Variants in MYH7B observed in about 807,000 individuals in gnomAD.
MYH7B encodes myosin heavy chain 7B.
In MYH7B, 205 loss-of-function variants were observed where a neutral mutation model predicts 234.5. That is an observed-to-expected ratio of 0.87 (90% CI 0.78 to 0.98). The LOEUF is 0.98. Among genes scored for constraint, MYH7B ranks in the 50% least tolerant of loss-of-function variants. The pLI is 0.00. For missense variants in MYH7B, 2,652 were observed against 2,633.4 expected, an observed-to-expected ratio of 1.01 and a Z score of -0.15; for synonymous variants, 1,193 against 1,105.0, an observed-to-expected ratio of 1.08 and a Z score of -1.58.
exon 32 of MYH7B, chr20:34,997,398 G>C: frequency 6.7e-7 from 1 of 1,485,772 alleles, no homozygotes; most frequent in Non-Finnish European, 8.9e-7. Context: ...GGGGCAGCGC[G>C]AGGGCTGCCG....
rs1188249087 is a variant in MYH7B, at chr20:34,962,241, T to C, written c.-222+4029T>C. On this transcript the variant is annotated intron_variant, in intron 2 of 44. Transcript: ENST00000262873. ...GACCCTGTCTCAAAAATAATTATAA[T>C]AATGCTGCTATGAACATTCATGTAC... is the stretch of plus-strand genomic sequence containing the variant. 2.6e-5 allele frequency among the ~76,000 whole-genome samples: 4 copies of C among 152,104 alleles called. No homozygotes were observed. The East Asian group carries it at 7.7e-4, about 29-fold the overall frequency.
At chr20:34,989,679 G>A (rs1483412592) in intron 19 of MYH7B, 61 bp from the exon 20 acceptor site, 2 of 1,516,530 alleles carry the variant, frequency 1.3e-6, no homozygotes, top group Non-Finnish European at 1.8e-6. Context: ...GGAACCAGGG[G>A]TTCAGTCCTT....
intron 4 of MYH7B, 87 bp from the exon 5 acceptor site, chr20:34,977,847 G>T: frequency 6.4e-7 from 1 of 1,565,292 alleles, no homozygotes; most frequent in Non-Finnish European, 8.8e-7. Context: ...GGCTGCATTG[G>T]GAGCCAGAGG....
exon 20 of MYH7B, chr20:34,989,902 G>A (rs1186735509): frequency 6.2e-7 from 1 of 1,614,090 alleles, no homozygotes; most frequent in Non-Finnish European, 8.5e-7. Flanking sequence ...CTTCGAGGTG[G>A]TCCACTACGC....
intron 1 of MYH7B, among the ~76,000 whole-genome samples, chr20:34,957,767 G>A (rs1198779641): frequency 1.3e-5 from 2 of 152,232 alleles, no homozygotes; most frequent in African/African-American, 2.4e-5. Flanking sequence ...TAGGATTACA[G>A]GCGTTAGCCA....
At chr20:34,995,944 A>T (rs2082247925) in intron 28 of MYH7B, among the ~76,000 whole-genome samples, 1 of 152,186 alleles carries the variant, frequency 6.6e-6, no homozygotes, top group Admixed American at 6.5e-5. Flanking sequence ...AGCCCTCGTG[A>T]TGGCCCCTGT....
At position 35,002,274 on chromosome 20, in the gene MYH7B, A is replaced by G. The variant is rs547505128; in HGVS notation, c.*86A>G. The stretch of plus-strand genomic sequence containing the variant: ...CCTGCCCCGATCCTGCCATCTCTGC[A>G]TCGCCCCCTGCTGCCTTCAGCCTTC... On this transcript the variant is annotated 3_prime_UTR_variant, in exon 45 of 45. Transcript: ENST00000262873. The G allele has an allele frequency of 1.8e-5, 26 of 1,441,822 alleles. 1 individual carries two copies. The African/African-American group carries it at 3.4e-4, about 19-fold the overall frequency. The allele number at this position is 1,441,822 out of a possible 1,614,324, so 89.3% of individuals were successfully genotyped here.
chr20:35,002,083 A>C (rs1458156402), exon 44 of MYH7B: 1 of 1,613,754 alleles, frequency 6.2e-7, no homozygotes, highest in Non-Finnish European at 8.5e-7. Flanking sequence ...CCTGGGCCCC[A>C]AGGTGAGGAG....
At chr20:34,961,213 G>A (rs1321172543) in intron 2 of MYH7B, among the ~76,000 whole-genome samples, 1 of 152,094 alleles carries the variant, frequency 6.6e-6, no homozygotes, top group African/African-American at 2.4e-5. Context: ...CTTTTTGGCA[G>A]GATGGATCTG....
chr20:34,966,504 A>C (rs1187175554), intron 2 of MYH7B, among the ~76,000 whole-genome samples: 1 of 151,904 alleles, frequency 6.6e-6, no homozygotes, highest in Non-Finnish European at 1.5e-5. Flanking sequence ...TGGTTCTATA[A>C]GGGCAACACC....
At chr20:34,965,811 A>C (rs1294295809) in intron 2 of MYH7B, among the ~76,000 whole-genome samples, 1 of 152,186 alleles carries the variant, frequency 6.6e-6, no homozygotes, top group Non-Finnish European at 1.5e-5. Context: ...AGAGTCCCTG[A>C]GACAGAAAGG....
chr20:34,999,448 T>C, intron 36 of MYH7B, 43 bp downstream of exon 36: 1 of 1,515,668 alleles, frequency 6.6e-7, no homozygotes, highest in Non-Finnish European at 8.8e-7. Context: ...TGCCCTGGGG[T>C]CGGAGCAACT....
chr20:34,989,856 G>C, exon 20 of MYH7B: 1 of 1,614,204 alleles, frequency 6.2e-7, no homozygotes, highest in Non-Finnish European at 8.5e-7. Flanking sequence ...ATTTCCAGCA[G>C]CCTCGGCCTG....
At chr20:34,987,732 C>A (rs1166343761) in intron 17 of MYH7B, 33 bp from the exon 18 acceptor site, 9 of 1,613,562 alleles carry the variant, frequency 5.6e-6, no homozygotes, top group South Asian at 2.2e-5. Context: ...CCCCTCCTTG[C>A]CAGGTCCCAG....
In MYH7B at chr20:34,996,641, A is replaced by G. The variant is rs1376274275; in HGVS notation, c.3149A>G (p.Lys1050Arg). Residue 1050 changes from lysine (K) to arginine (R), a missense_variant, in exon 30 of 45, where the codon AAG becomes AGG. Physicochemically the swap from Lys to Arg is conservative, Grantham distance 26. Transcript: ENST00000262873. Reference sequence around the variant, plus strand: ...GAATGCTCCCTGGAGCAGGAGAAGAAGCTGCGCATGGACACGGAGCGGGCC... The same window carrying G: ...GAATGCTCCCTGGAGCAGGAGAAGAGGCTGCGCATGGACACGGAGCGGGCC... 3 of 1,612,842 alleles carry G rather than the reference A, an allele frequency of 1.9e-6. No homozygotes were observed. In the East Asian group the frequency reaches 6.7e-5, roughly 36 times the overall value.
intron 9 of MYH7B, chr20:34,981,578 C>T (rs976712677): frequency 6.5e-6 from 1 of 154,288 alleles, no homozygotes; most frequent in African/African-American, 2.4e-5. Context: ...TGGCCGGGCA[C>T]AGTGGCTCAT....
intron 2 of MYH7B, among the ~76,000 whole-genome samples, chr20:34,968,787 G>A (rs2081766170): frequency 6.6e-6 from 1 of 152,176 alleles, no homozygotes; most frequent in Non-Finnish European, 1.5e-5. Flanking sequence ...CACTGCGGCA[G>A]CCTACCTAAG....
At position 34,984,957 on chromosome 20, in the gene MYH7B, G is replaced by T. The variant is rs754318271; in HGVS notation, c.741+11G>T. 6.2e-7 allele frequency: 1 copy of T among 1,612,434 alleles called. No homozygotes were observed. The highest frequency in any genetic ancestry group is 1.7e-5 in the Admixed American group (1 of 60,006). ...AACTCCTCCCGCTTTGTGAGTGGCTGAGGTGGGAGGGGTGGCGGGGATGCC... is the reference window on the plus strand; with the variant it reads ...AACTCCTCCCGCTTTGTGAGTGGCTTAGGTGGGAGGGGTGGCGGGGATGCC... On this transcript the variant is annotated intron_variant, in intron 12 of 44. Coordinates refer to ENST00000262873, the Ensembl canonical transcript of MYH7B.
rs755562579 is a variant in MYH7B, at chr20:34,986,952, A to G, written c.971A>G (p.Asp324Gly). ...TGCAGCCAGGGCGTCATCACCGTGG[A>G]CAACATGAATGATGGGGAGGAGCTC... Residue 324 changes from aspartate (D) to glycine (G), a missense_variant, in exon 15 of 45, where the codon GAC (aspartate) becomes GGC (glycine). This residue lies in a region of MYH7B where 2,279 missense variants were observed against 2,211.4 expected (regional missense o/e 1.03). Coordinates refer to ENST00000262873, the Ensembl canonical transcript of MYH7B. 4 of 1,614,072 alleles carry G rather than the reference A, an allele frequency of 2.5e-6. No individual in the cohort carries two copies. In the Admixed American group the frequency reaches 6.7e-5, roughly 27 times the overall value.
Sources: allele counts gnomAD v4.1 joint callset (sites outside exome capture counted in the v4.1 genomes callset), GRCh38; gene constraint gnomAD v4.1.1; regional missense constraint gnomAD v4.1.1; transcripts MANE v1.5; gene names NCBI Gene and HGNC (gene_info 2026-07-23, HGNC 2026-07-21).